Variants in XRCC5 observed in about 807,000 individuals in gnomAD.
The protein encoded by XRCC5 is DNA repair protein Ku80.
In XRCC5, 12 loss-of-function variants were observed where a neutral mutation model predicts 95.7. The ratio of observed to expected loss-of-function variants is 0.13; its 90% CI spans 0.08 to 0.20. The LOEUF (loss-of-function observed/expected upper bound fraction) is 0.20, where lower values mean the gene tolerates loss of function less well. Ranked by LOEUF, XRCC5 falls within the 10% of genes least tolerant of loss-of-function variation. The pLI is 1.00. For synonymous variants in XRCC5, 281 were observed against 290.3 expected (o/e 0.97, Z 0.33); for missense variants, 595 against 873.9 (o/e 0.68, Z 4.02).
At chr2:216,161,298 T>C (rs778447308) in intron 15 of XRCC5, among the ~76,000 whole-genome samples, 2 of 152,228 alleles carry the variant, frequency 1.3e-5, no homozygotes, top group Non-Finnish European at 2.9e-5. Flanking sequence ...TTCTTTCTTA[T>C]GAGCTGAGTG....
intron 10 of XRCC5, among the ~76,000 whole-genome samples, chr2:216,136,558 G>C (rs1340819329): frequency 6.6e-6 from 1 of 152,084 alleles, no homozygotes; most frequent in African/African-American, 2.4e-5. Context: ...AGTATATAGA[G>C]ACAGTGGAAT....
At chr2:216,178,087 CAAAAAA>C (rs1689311193) in intron 16 of XRCC5, among the ~76,000 whole-genome samples, 2 of 151,900 alleles carry the variant, frequency 1.3e-5, no homozygotes, top group African/African-American at 4.8e-5. Context: ...AGGAATAAAA[CAAAAAA>C]GAAAGAAAAG....
chr2:216,145,719 A>G (rs562139398), intron 13 of XRCC5, among the ~76,000 whole-genome samples: 1 of 152,308 alleles, frequency 6.6e-6, no homozygotes, highest in Admixed American at 6.5e-5. Flanking sequence ...ATCCTTTATT[A>G]TTGACTTAAC....
chr2:216,134,584 C>T (rs774991709), intron 10 of XRCC5, among the ~76,000 whole-genome samples: 2 of 151,828 alleles, frequency 1.3e-5, no homozygotes, highest in South Asian at 2.1e-4. Context: ...CCTGCCACAA[C>T]GCCCGGCTAA....
intron 16 of XRCC5, among the ~76,000 whole-genome samples, chr2:216,188,305 C>T (rs1429829169): frequency 6.6e-6 from 1 of 152,154 alleles, no homozygotes; most frequent in Non-Finnish European, 1.5e-5. Context: ...ACTCATAGCC[C>T]TCTTCACATT....
At chr2:216,200,957 C>T (rs1480531160) in intron 19 of XRCC5, among the ~76,000 whole-genome samples, 1 of 152,052 alleles carries the variant, frequency 6.6e-6, no homozygotes, top group Non-Finnish European at 1.5e-5. Flanking sequence ...TAAGTGTATT[C>T]CTAGGAATTA....
intron 2 of XRCC5, 103 bp from the exon 3 acceptor site, chr2:216,116,556 C>T: frequency 7.6e-7 from 1 of 1,321,464 alleles, no homozygotes; most frequent in Non-Finnish European, 1.1e-6. Flanking sequence ...CCCCAGGGAC[C>T]TGCCATAGGG....
chr2:216,131,487 G>C (rs1696993249), intron 9 of XRCC5, among the ~76,000 whole-genome samples: 1 of 152,092 alleles, frequency 6.6e-6, no homozygotes, highest in Admixed American at 6.5e-5. Flanking sequence ...ATGATTTTCA[G>C]AACTCTTCAA....
intron 14 of XRCC5, among the ~76,000 whole-genome samples, chr2:216,148,880 T>C (rs987601916): frequency 2.8e-4 from 42 of 152,194 alleles, no homozygotes; most frequent in Non-Finnish European, 7.4e-5. Flanking sequence ...GTTCACAATC[T>C]GTGTCAGCTT....
At chr2:216,156,132 C>A (rs764635075) in intron 14 of XRCC5, among the ~76,000 whole-genome samples, 4 of 152,168 alleles carry the variant, frequency 2.6e-5, no homozygotes, top group Non-Finnish European at 5.9e-5. Flanking sequence ...GAAAAATATA[C>A]TTTCATACAG....
chr2:216,171,622 A>G (rs1050344551), intron 16 of XRCC5, among the ~76,000 whole-genome samples: 5 of 152,228 alleles, frequency 3.3e-5, no homozygotes, highest in Non-Finnish European at 7.3e-5. Flanking sequence ...AACACTCAGG[A>G]TAATATGGTA....
intron 16 of XRCC5, among the ~76,000 whole-genome samples, chr2:216,164,723 C>T (rs1049025872): frequency 2.6e-5 from 4 of 152,178 alleles, no homozygotes; most frequent in Non-Finnish European, 5.9e-5. Flanking sequence ...CGCACAGTCA[C>T]GGCCTTCTAC....
At chr2:216,109,876 A>G (rs753525742) in intron 1 of XRCC5, among the ~76,000 whole-genome samples, 2 of 152,190 alleles carry the variant, frequency 1.3e-5, no homozygotes, top group African/African-American at 2.4e-5. Context: ...ACTATCCCAC[A>G]GGGCTTGTTG....
intron 1 of XRCC5, 100 bp downstream of exon 1, chr2:216,109,557 G>C: frequency 6.5e-7 from 1 of 1,536,860 alleles, no homozygotes; most frequent in African/African-American, 1.4e-5. Context: ...GACAAAGAAT[G>C]GGGCAAGAGA....
intron 16 of XRCC5, among the ~76,000 whole-genome samples, chr2:216,165,426 G>A (rs1195305727): frequency 6.6e-6 from 1 of 152,306 alleles, no homozygotes; most frequent in Middle Eastern, 3.4e-3. Context: ...GTCGGAAAAT[G>A]GATTGCTTAT....
At chr2:216,150,482 C>T (rs778515564) in intron 14 of XRCC5, among the ~76,000 whole-genome samples, 1 of 152,174 alleles carries the variant, frequency 6.6e-6, no homozygotes, top group Non-Finnish European at 1.5e-5. Flanking sequence ...TGTACTTACA[C>T]GAGCCCACAT....
intron 4 of XRCC5, among the ~76,000 whole-genome samples, chr2:216,118,544 C>T (rs547285261): frequency 6.6e-6 from 1 of 152,194 alleles, no homozygotes; most frequent in Non-Finnish European, 1.5e-5. Flanking sequence ...CATATATGTG[C>T]ATGTACACAT....
chr2:216,130,285 T>A (rs979438422), intron 8 of XRCC5, among the ~76,000 whole-genome samples: 1 of 151,268 alleles, frequency 6.6e-6, no homozygotes, highest in Non-Finnish European at 1.5e-5. Context: ...TATATAAATA[T>A]CCTATGTAAT....
chr2:216,156,818 A>G, intron 14 of XRCC5: 1 of 459,428 alleles, frequency 2.2e-6, no homozygotes, highest in South Asian at 1.6e-5. Flanking sequence ...CCATTTTTCA[A>G]GGTAACAGAC....
Sources: allele counts gnomAD v4.1 joint callset (sites outside exome capture counted in the v4.1 genomes callset), GRCh38; gene constraint gnomAD v4.1.1; transcripts MANE v1.5; gene names NCBI Gene and HGNC (gene_info 2026-07-23, HGNC 2026-07-21).